LZTFL1: variants seen among roughly 807,000 people sequenced by gnomAD.
LZTFL1 encodes the protein leucine zipper transcription factor like 1, also known as leucine zipper transcription factor-like protein 1.
LZTFL1 carries 25 observed loss-of-function variants against 45.9 expected under a neutral mutation model. The observed-to-expected ratio is 0.54, with a 90% CI of 0.40 to 0.76. The LOEUF (loss-of-function observed/expected upper bound fraction) is 0.76, where lower values mean the gene tolerates loss of function less well. Ranked by LOEUF, LZTFL1 falls within the 30% of genes least tolerant of loss-of-function variation. The pLI is 0.00. For synonymous variants in LZTFL1, 93 were observed against 117.4 expected, an observed-to-expected ratio of 0.79 and a Z score of 1.35; for missense variants, 277 against 331.1, an observed-to-expected ratio of 0.84 and a Z score of 1.27.
intron 2 of LZTFL1, among the ~76,000 whole-genome samples, chr3:45,910,831 G>T (rs1213305091): frequency 6.6e-6 from 1 of 152,024 alleles, no homozygotes; most frequent in African/African-American, 2.4e-5. Flanking sequence ...TATTTTATTC[G>T]CCATTTTGTG....
chr3:45,854,428 A>C (rs1462549365), intron 4 of LZTFL1: 1 of 152,592 alleles, frequency 6.6e-6, no homozygotes, highest in African/African-American at 2.4e-5. Context: ...AGCCAGGTGT[A>C]GTGGTGCATG....
At chr3:45,831,409 A>T (rs1178141648) in intron 5 of LZTFL1, among the ~76,000 whole-genome samples, 2 of 151,636 alleles carry the variant, frequency 1.3e-5, no homozygotes, top group African/African-American at 2.4e-5. Flanking sequence ...CTGTTTTCAA[A>T]TTTTTTTCCA....
Position 45,869,583 on chromosome 3 carries a change from C to T in LZTFL1, c.-214-10567G>A, listed in dbSNP as rs2191029. ...GGTCCATCTCTAACTTTTAAGACAA[C>T]GCAGCCAACTCTGAGCCTACACCCC... is the stretch of plus-strand genomic sequence containing the variant. On this transcript the variant is annotated intron_variant, in intron 2 of 4. Coordinates refer to the LZTFL1 transcript ENST00000472635. Among the ~76,000 whole-genome samples the T allele has an allele frequency of 9.7e-4, 148 of 152,200 alleles. 1 individual carries two copies. The East Asian group carries it at 0.022, about 23-fold the overall frequency.
intron 4 of LZTFL1, chr3:45,854,966 A>G (rs2125704666): frequency 1.3e-6 from 2 of 1,493,082 alleles, no homozygotes; most frequent in East Asian, 4.9e-5. Context: ...ATAATATGTC[A>G]GATGCGCTTG....
At chr3:45,831,017 T>G in intron 6 of LZTFL1, 27 bp from the exon 7 acceptor site, 1 of 1,607,126 alleles carries the variant, frequency 6.2e-7, no homozygotes, top group African/African-American at 1.3e-5. Context: ...ACAAAACACT[T>G]TCAGTATTTA....
At chr3:45,854,343 A>C (rs1340033778) in intron 4 of LZTFL1, 1 of 153,210 alleles carries the variant, frequency 6.5e-6, no homozygotes, top group East Asian at 1.9e-4. Context: ...AGGCAGGCAG[A>C]TCACCTGAGG....
At chr3:45,888,805 G>A (rs552203673) in intron 2 of LZTFL1, among the ~76,000 whole-genome samples, 1 of 151,586 alleles carries the variant, frequency 6.6e-6, no homozygotes, top group East Asian at 1.9e-4. Context: ...AAAAATGAAA[G>A]AGAAATAGAT....
Position 45,834,378 on chromosome 3 carries a change from A to G in LZTFL1, c.324-80T>C, listed in dbSNP as rs1320945574. 7 of 891,686 alleles carry G rather than the reference A, an allele frequency of 7.9e-6. No individual in the cohort carries two copies. In the East Asian group the frequency reaches 1.3e-4, roughly 17 times the overall value. The allele number at this position is 891,686 out of a possible 1,614,324, so 55.2% of individuals were successfully genotyped here. ...ACGCAAGAAGAGTAAAATCACTGGT[A>G]CCAACCCATTACATGCCAGAGAGAA... On this transcript the variant is annotated intron_variant, in intron 3 of 9. Transcript: ENST00000296135.
chr3:45,855,318 A>T (rs1479218369), intron 3 of LZTFL1, among the ~76,000 whole-genome samples: 3 of 152,210 alleles, frequency 2.0e-5, no homozygotes, highest in Non-Finnish European at 4.4e-5. Context: ...AACCCACATG[A>T]TTATCTCAAT....
At chr3:45,892,580 G>T (rs894531857) in intron 2 of LZTFL1, among the ~76,000 whole-genome samples, 1 of 152,026 alleles carries the variant, frequency 6.6e-6, no homozygotes, top group Non-Finnish European at 1.5e-5. Flanking sequence ...GAGGTAGGAG[G>T]GTGAGGATAA....
In LZTFL1 at chr3:45,887,383, T is replaced by C. The variant is rs1702016271; in HGVS notation, c.-215+25737A>G. Among the ~76,000 whole-genome samples, 3 of 152,228 alleles carry C rather than the reference T, an allele frequency of 2.0e-5. No homozygotes were observed. The South Asian group carries it at 6.2e-4, about 31-fold the overall frequency. Reference sequence around the variant, plus strand: ...GTTTTTATTTTCTATATTATGTATGTTGGCATTTTGGGGATTTTTTGTGCA... The same window carrying C: ...GTTTTTATTTTCTATATTATGTATGCTGGCATTTTGGGGATTTTTTGTGCA... On this transcript the variant is annotated intron_variant, in intron 2 of 4. Coordinates refer to the LZTFL1 transcript ENST00000472635.
chr3:45,896,622 A>G (rs1702364358), intron 2 of LZTFL1, among the ~76,000 whole-genome samples: 1 of 152,214 alleles, frequency 6.6e-6, no homozygotes, highest in Non-Finnish European at 1.5e-5. Context: ...GCTGTTGGCA[A>G]TCATAGCTTT....
intron 2 of LZTFL1, among the ~76,000 whole-genome samples, chr3:45,889,677 T>C (rs1702087441): frequency 6.6e-6 from 1 of 151,922 alleles, no homozygotes; most frequent in Non-Finnish European, 1.5e-5. Flanking sequence ...GCAGTGTATG[T>C]CTTTTTCTAT....
rs1353732394 is a variant in LZTFL1, at chr3:45,841,981, T to C, written c.3+8A>G. On this transcript the variant is annotated splice_region_variant and intron_variant, in intron 1 of 9. Coordinates refer to ENST00000296135, the MANE Select transcript of LZTFL1 (RefSeq NM_020347.4). ...GCGCGGTGCGGCGCCTGAGGGTCGG[T>C]TACTCACCATGGCGGCAGGCAGCGG... is the stretch of plus-strand genomic sequence containing the variant. The C allele has an allele frequency of 3.1e-6, 5 of 1,611,598 alleles. No homozygotes were observed. The highest frequency in any genetic ancestry group is 2.2e-5 in the East Asian group (1 of 44,820).
intron 1 of LZTFL1, among the ~76,000 whole-genome samples, chr3:45,839,426 T>C (rs1412892194): frequency 1.3e-5 from 2 of 152,196 alleles, no homozygotes; most frequent in Non-Finnish European, 2.9e-5. Context: ...TAGTATTACA[T>C]TTACACTCTT....
At chr3:45,856,968 G>A (rs1471963330) in intron 3 of LZTFL1, among the ~76,000 whole-genome samples, 1 of 152,096 alleles carries the variant, frequency 6.6e-6, no homozygotes, top group South Asian at 2.1e-4. Context: ...GTGGCAATTC[G>A]TCAAAGATGT....
At chr3:45,898,716 A>T (rs1021081634) in intron 2 of LZTFL1, among the ~76,000 whole-genome samples, 1 of 152,234 alleles carries the variant, frequency 6.6e-6, no homozygotes, top group Non-Finnish European at 1.5e-5. Flanking sequence ...GTCCTTTATC[A>T]ATCAATTCAG....
chr3:45,899,028 T>C (rs1180073554), intron 2 of LZTFL1, among the ~76,000 whole-genome samples: 1 of 152,138 alleles, frequency 6.6e-6, no homozygotes, highest in Non-Finnish European at 1.5e-5. Context: ...TAGCCAGGCA[T>C]GGTGGCACAC....
At chr3:45,857,463 A>G (rs1169568992) in intron 3 of LZTFL1, among the ~76,000 whole-genome samples, 2 of 152,202 alleles carry the variant, frequency 1.3e-5, no homozygotes, top group Non-Finnish European at 2.9e-5. Flanking sequence ...GCAAACCACC[A>G]TGGCACACGT....
Sources: allele counts gnomAD v4.1 joint callset (sites outside exome capture counted in the v4.1 genomes callset), GRCh38; gene constraint gnomAD v4.1.1; transcripts MANE v1.5; gene names NCBI Gene and HGNC (gene_info 2026-07-23, HGNC 2026-07-21).